POMGNT1: variants seen among roughly 807,000 people sequenced by gnomAD.
POMGNT1 encodes the protein protein O-linked-mannose beta-1,2-N-acetylglucosaminyltransferase 1.
POMGNT1 carries 67 observed loss-of-function variants against 95.6 expected under a neutral mutation model. The ratio of observed to expected loss-of-function variants is 0.70; its 90% CI spans 0.58 to 0.86. The LOEUF (loss-of-function observed/expected upper bound fraction) is 0.86. POMGNT1 is among the 40% of genes least tolerant of loss of function. POMGNT1 has a pLI of 0.00. For missense variants in POMGNT1, 719 were observed against 855.2 expected, an observed-to-expected ratio of 0.84 and a Z score of 1.99; for synonymous variants, 298 against 317.9, an observed-to-expected ratio of 0.94 and a Z score of 0.66.
chr1:46,190,001 G>A lies in POMGNT1; in HGVS notation c.1650-12C>T, dbSNP rs1312052882. The A allele has an allele frequency of 1.2e-6, 2 of 1,613,540 alleles. No individual in the cohort carries two copies. Among genetic ancestry groups the A allele is most frequent in the African/African-American group, 1.3e-5 (1 of 74,924 alleles). On this transcript the variant is annotated splice_polypyrimidine_tract_variant and intron_variant, in intron 19 of 21. Transcript: ENST00000371984. Reference sequence around the variant, plus strand: ...GAACCTCAGCCTCACTGCAGTAGAGGGTGGGAGAATATAGCCAAGACAGGG... The same window carrying A: ...GAACCTCAGCCTCACTGCAGTAGAGAGTGGGAGAATATAGCCAAGACAGGG...
chr1:46,205,299 AAGGG>A (rs1048192593), intron 1 of POMGNT1, among the ~76,000 whole-genome samples: 2 of 151,660 alleles, frequency 1.3e-5, no homozygotes, highest in African/African-American at 2.4e-5. Flanking sequence ...GGAAGGGAGG[AAGGG>A]AGGGAGGGAG....
chr1:46,202,920 G>GGTGGTGTGTGTGT (rs1553164825), upstream of POMGNT1, among the ~76,000 whole-genome samples: 3 of 64,516 alleles, frequency 4.7e-5, 1 homozygote, highest in African/African-American at 2.0e-4. Flanking sequence ...GGGGGGGGGT[G>GGTGGTGTGTGTGT]GTGTGTGTGT....
rs374639571 is a variant in POMGNT1, at chr1:46,192,946, C to T, written c.1165G>A (p.Ala389Thr). The T allele has an allele frequency of 4.3e-6, 7 of 1,614,208 alleles. No homozygotes were observed. The highest frequency in any genetic ancestry group is 5.1e-6 in the Non-Finnish European group (6 of 1,180,024). The change falls in exon 14 of 22, where the codon GCT becomes ACT. Residue 389 changes from alanine (A) to threonine (T), a missense_variant. Physicochemically the swap from Ala to Thr is moderately conservative, Grantham distance 58 (BLOSUM62 0). Coordinates refer to ENST00000371984, the MANE Select transcript of POMGNT1 (RefSeq NM_017739.4). ...TCCAGGTCCTCTTCCAGAACCACAG[C>T]AAACTTGGCCTCCTAGAAGGGGAAT... ...TFNLFPEAKF[A>T]VVLEEDLDIA...
chr1:46,197,187 C>G, intron 2 of POMGNT1, 103 bp from the exon 3 acceptor site: 2 of 1,603,652 alleles, frequency 1.2e-6, no homozygotes, highest in Non-Finnish European at 1.7e-6. Context: ...TCCAGAGAAA[C>G]TGGGTCCTGT....
upstream of POMGNT1, among the ~76,000 whole-genome samples, chr1:46,202,785 C>T (rs949425811): frequency 6.0e-5 from 9 of 150,430 alleles, no homozygotes; most frequent in South Asian, 1.5e-3. Flanking sequence ...TAACAAGATC[C>T]GCAGATAATT....
At position 46,210,368 on chromosome 1, in the gene POMGNT1, A is replaced by C. The variant is rs1315026384; in HGVS notation, c.-51+9337T>G. ...TGAGGATTTCTTCCCACCAGCAAGC[A>C]AGCAATCAGTTCTGCAGCAGATACC... On this transcript the variant is annotated intron_variant, in intron 1 of 22. Coordinates refer to the POMGNT1 transcript ENST00000371992. Among the ~76,000 whole-genome samples the C allele has an allele frequency of 4.6e-5, 7 of 152,212 alleles. No individual in the cohort carries two copies. In the South Asian group the frequency reaches 1.4e-3, roughly 32 times the overall value.
In POMGNT1 at chr1:46,194,240, A is replaced by C; in HGVS notation, c.879+34T>G. The C allele has an allele frequency of 1.9e-6, 3 of 1,614,118 alleles. No homozygotes were observed. In the South Asian group the frequency reaches 3.3e-5, roughly 18 times the overall value. ...GGGCCCCCCTGCTGAGCTGGGAAGG[A>C]GTCCAAACCTCACTGTCTTAAGGCC... is the stretch of plus-strand genomic sequence containing the variant. On this transcript the variant is annotated intron_variant, in intron 9 of 21. Transcript: ENST00000371984.
chr1:46,220,114 G>A (rs1471044751), exon 1 of POMGNT1: 6 of 1,614,236 alleles, frequency 3.7e-6, no homozygotes, highest in East Asian at 4.5e-5. Context: ...CCAGGGGAGA[G>A]GCTTCAAGGT....
chr1:46,218,747 A>T (rs1659141433), intron 1 of POMGNT1, among the ~76,000 whole-genome samples: 1 of 152,086 alleles, frequency 6.6e-6, no homozygotes, highest in African/African-American at 2.4e-5. Context: ...CTTCCAGTAC[A>T]GACAGGTAGA....
chr1:46,202,923 GTGTGTGTGTGTGTGTGTGT>G (rs1658589085), upstream of POMGNT1, among the ~76,000 whole-genome samples: 1 of 89,130 alleles, frequency 1.1e-5, no homozygotes, highest in African/African-American at 3.9e-5. Context: ...GGGGGGTGGT[GTGTGTGTGTGTGTGTGTGT>G]GTGTGTGTGT....
At chr1:46,191,653 G>T (rs1187483577) in intron 17 of POMGNT1, 1 of 241,476 alleles carries the variant, frequency 4.1e-6, no homozygotes, top group Non-Finnish European at 8.2e-6. Flanking sequence ...CTTTTTTTTT[G>T]AGATGGAGTC....
rs545415482 is a variant in POMGNT1, at chr1:46,191,940, C to T, written c.1539+158G>A. 4.2e-5 allele frequency: 53 copies of T among 1,263,630 alleles called. 1 individual carries two copies. The Middle Eastern group carries it at 2.2e-3, about 53-fold the overall frequency. 78.3% of individuals were successfully genotyped at this position (1,263,630 alleles called of 1,614,324 possible). On this transcript the variant is annotated intron_variant, in intron 17 of 21. Coordinates refer to ENST00000371984, the MANE Select transcript of POMGNT1 (RefSeq NM_017739.4). The stretch of plus-strand genomic sequence containing the variant: ...TGAGCCACCGCGCCCAGCCCTTTAT[C>T]CTCATTTTTCAGATAAAGAAACTGA...
chr1:46,220,192 A>C (rs1659197959), exon 1 of POMGNT1: 8 of 1,612,446 alleles, frequency 5.0e-6, no homozygotes, highest in Non-Finnish European at 6.8e-6. Flanking sequence ...TTCTGGGAGC[A>C]GTGCCAGGAT....
exon 1 of POMGNT1, chr1:46,220,221 CA>C: frequency 6.2e-7 from 1 of 1,600,244 alleles, no homozygotes; most frequent in Non-Finnish European, 8.5e-7. Context: ...CTTCTTGTAA[CA>C]ACTATTCCAC....
intron 1 of POMGNT1, among the ~76,000 whole-genome samples, chr1:46,206,345 G>GT (rs771371419): frequency 1.5e-4 from 23 of 152,278 alleles, no homozygotes; most frequent in Non-Finnish European, 2.8e-4. Flanking sequence ...TATTCTGATA[G>GT]TCCCCGCTCT....
intron 1 of POMGNT1, among the ~76,000 whole-genome samples, chr1:46,213,795 C>T (rs1658977106): frequency 6.6e-6 from 1 of 151,790 alleles, no homozygotes. Context: ...TCCTAGGATA[C>T]TGACAGCCTT....
chr1:46,215,905 T>G (rs116587732), intron 1 of POMGNT1, among the ~76,000 whole-genome samples: 2,947 of 152,112 alleles, frequency 0.019, 89 homozygotes, highest in African/African-American at 0.065. Context: ...GTCTCAAAAA[T>G]AAAATACGAC....
At chr1:46,190,097 CTT>C (rs946195454) in intron 19 of POMGNT1, 108 bp from the exon 20 acceptor site, 36,124 of 773,344 alleles carry the variant, frequency 0.047, no homozygotes, top group East Asian at 0.062. Context: ...CCTTGAAGTT[CTT>C]TTTTTTTTTT....
At chr1:46,203,526 G>T in intron 1 of POMGNT1, 2 of 1,563,830 alleles carry the variant, frequency 1.3e-6, no homozygotes, top group East Asian at 2.4e-5. Context: ...GCTGCGAGGC[G>T]AGTGTGAGCT....
Sources: allele counts gnomAD v4.1 joint callset (sites outside exome capture counted in the v4.1 genomes callset), GRCh38; gene constraint gnomAD v4.1.1; transcripts MANE v1.5; gene names NCBI Gene and HGNC (gene_info 2026-07-23, HGNC 2026-07-21).